Variants in CYB5R4 observed in about 807,000 individuals in gnomAD.
The protein encoded by CYB5R4 is cytochrome b5 reductase 4.
A neutral mutation model predicts 70.2 loss-of-function variants in CYB5R4; 55 were observed. The observed-to-expected ratio is 0.78, with a 90% CI of 0.63 to 0.98. The LOEUF is 0.98. Ranked by LOEUF, CYB5R4 falls within the 50% of genes least tolerant of loss-of-function variation. CYB5R4 has a pLI of 0.00. For missense variants in CYB5R4, 562 were observed against 612.6 expected, an observed-to-expected ratio of 0.92 and a Z score of 0.87; for synonymous variants, 197 against 199.5, an observed-to-expected ratio of 0.99 and a Z score of 0.11.
intron 14 of CYB5R4, among the ~76,000 whole-genome samples, chr6:83,949,533 A>G (rs1319113814): frequency 1.3e-5 from 2 of 152,150 alleles, no homozygotes; most frequent in African/African-American, 4.8e-5. Flanking sequence ...TGGTTAAATT[A>G]TTATTGAATT....
intron 2 of CYB5R4, among the ~76,000 whole-genome samples, chr6:83,885,768 A>G (rs1407823042): frequency 6.6e-6 from 1 of 152,130 alleles, no homozygotes; most frequent in Admixed American, 6.6e-5. Context: ...GTGACTAAAA[A>G]AGAGCTCTCT....
chr6:83,910,147 T>G (rs763380626), intron 4 of CYB5R4: 1 of 1,594,612 alleles, frequency 6.3e-7, no homozygotes, highest in Non-Finnish European at 8.5e-7. Flanking sequence ...CTTTCAAAGA[T>G]TTCTTTTACT....
intron 2 of CYB5R4, among the ~76,000 whole-genome samples, chr6:83,886,711 G>A (rs1362390827): frequency 6.6e-6 from 1 of 152,100 alleles, no homozygotes; most frequent in African/African-American, 2.4e-5. Flanking sequence ...CCTTTATGAG[G>A]ACTCATAATT....
At chr6:83,926,514 C>T (rs2099467302) in intron 10 of CYB5R4, among the ~76,000 whole-genome samples, 1 of 151,970 alleles carries the variant, frequency 6.6e-6, no homozygotes, top group South Asian at 2.1e-4. Flanking sequence ...GATGGTCTTC[C>T]TTCTGTGTGT....
intron 12 of CYB5R4, among the ~76,000 whole-genome samples, chr6:83,937,132 G>A (rs369792350): frequency 5.9e-5 from 9 of 152,156 alleles, no homozygotes; most frequent in African/African-American, 1.4e-4. Flanking sequence ...AAAATTAGCC[G>A]GGTATGATGG....
intron 14 of CYB5R4, among the ~76,000 whole-genome samples, chr6:83,945,890 A>G (rs1330371061): frequency 1.3e-5 from 2 of 152,200 alleles, no homozygotes; most frequent in Non-Finnish European, 2.9e-5. Flanking sequence ...TGAATCCTTG[A>G]ATAGACCCAG....
chr6:83,928,759 G>C (rs1024399345), intron 10 of CYB5R4, among the ~76,000 whole-genome samples: 8 of 152,126 alleles, frequency 5.3e-5, no homozygotes, highest in African/African-American at 1.9e-4. Flanking sequence ...TTTTTAGAGT[G>C]AAGTCTCTTT....
intron 14 of CYB5R4, among the ~76,000 whole-genome samples, chr6:83,951,003 C>T (rs1021796027): frequency 3.9e-5 from 6 of 152,106 alleles, no homozygotes; most frequent in Non-Finnish European, 7.4e-5. Flanking sequence ...TAGGGGAAGA[C>T]GTGTTACACC....
intron 1 of CYB5R4, among the ~76,000 whole-genome samples, chr6:83,862,287 A>C (rs549008731): frequency 4.6e-5 from 7 of 152,374 alleles, no homozygotes; most frequent in South Asian, 2.1e-4. Flanking sequence ...TTCTATTAAT[A>C]CTGGTAAACA....
chr6:83,951,559 T>G (rs1027985054), intron 14 of CYB5R4, among the ~76,000 whole-genome samples: 2 of 152,328 alleles, frequency 1.3e-5, no homozygotes, highest in East Asian at 3.9e-4. Flanking sequence ...TCTGTGTTAG[T>G]TTGCTGAGAA....
intron 4 of CYB5R4, among the ~76,000 whole-genome samples, chr6:83,911,306 G>C (rs944598350): frequency 6.6e-6 from 1 of 151,960 alleles, no homozygotes; most frequent in African/African-American, 2.4e-5. Flanking sequence ...GTTATGAAGA[G>C]TTCTGTTTAG....
rs537721652 is a variant in CYB5R4, at chr6:83,914,578, C to A, written c.445+130C>A. 2.3e-4 allele frequency: 184 copies of A among 799,814 alleles called. 4 individuals are homozygous for A. The South Asian group carries it at 3.8e-3, about 16-fold the overall frequency. 49.5% of individuals were successfully genotyped at this position (799,814 alleles called of 1,614,324 possible). A position where few individuals can be genotyped will look rare whatever the true frequency, so the allele number is the denominator to read the frequency against. ...TTTGAGATGGAGTATTGCTTTGTCACCCAGGCTGGAGTGCAGTGGCACCAT... is the reference window on the plus strand; with the variant it reads ...TTTGAGATGGAGTATTGCTTTGTCAACCAGGCTGGAGTGCAGTGGCACCAT... On this transcript the variant is annotated intron_variant, in intron 5 of 15. Coordinates refer to ENST00000369681, the MANE Select transcript of CYB5R4 (RefSeq NM_016230.4).
chr6:83,953,447 T>TG (rs962810765), intron 14 of CYB5R4, among the ~76,000 whole-genome samples: 2 of 151,712 alleles, frequency 1.3e-5, no homozygotes, highest in African/African-American at 4.8e-5. Context: ...TTACTACAGT[T>TG]GCAGGCATTT....
At position 83,931,070 on chromosome 6, in the gene CYB5R4, C is replaced by T. The variant is rs150427047; in HGVS notation, c.815-3525C>T. ...CTGCATATCAGCAATAAGCCTATTTCGCTTTCTTATCAGATCATTCATATG... is the reference window on the plus strand; with the variant it reads ...CTGCATATCAGCAATAAGCCTATTTTGCTTTCTTATCAGATCATTCATATG... On this transcript the variant is annotated intron_variant, in intron 10 of 15. Coordinates refer to ENST00000369681, the MANE Select transcript of CYB5R4 (RefSeq NM_016230.4). 6.6e-5 allele frequency among the ~76,000 whole-genome samples: 10 copies of T among 152,300 alleles called. No homozygotes were observed. The East Asian group carries it at 1.5e-3, about 24-fold the overall frequency.
At chr6:83,929,621 G>A (rs537852135) in intron 10 of CYB5R4, 2 of 151,876 alleles carry the variant, frequency 1.3e-5, no homozygotes, top group African/African-American at 2.4e-5. Context: ...GCTCTGGGGG[G>A]TGTGTGGGAG....
rs61756911 is a variant in CYB5R4, at chr6:83,939,606, G to T, written c.1109-450G>T. Among the ~76,000 whole-genome samples the T allele has an allele frequency of 9.4e-3, 1,434 of 152,192 alleles. 21 individuals are homozygous for T. The highest frequency in any genetic ancestry group is 0.033 in the African/African-American group (1,359 of 41,532). On this transcript the variant is annotated intron_variant, in intron 12 of 15. Coordinates refer to ENST00000369681, the MANE Select transcript of CYB5R4 (RefSeq NM_016230.4). ...CTCTCCTACTAATCCTGTTACTGTG[G>T]TTAATAATCAATGTGTAAATAGTGA... is the stretch of plus-strand genomic sequence containing the variant.
intron 6 of CYB5R4, among the ~76,000 whole-genome samples, chr6:83,918,440 AG>A (rs928187188): frequency 1.2e-4 from 18 of 152,092 alleles, no homozygotes; most frequent in African/African-American, 3.9e-4. Flanking sequence ...TATATTTTCC[AG>A]TTAGATTAAT....
intron 2 of CYB5R4, among the ~76,000 whole-genome samples, chr6:83,883,981 G>A (rs1412632989): frequency 1.3e-5 from 2 of 151,848 alleles, no homozygotes; most frequent in African/African-American, 4.8e-5. Flanking sequence ...AAAGCCAATC[G>A]ATTAAATGAA....
chr6:83,952,051 C>T (rs536702628), intron 14 of CYB5R4, among the ~76,000 whole-genome samples: 1 of 152,254 alleles, frequency 6.6e-6, no homozygotes, highest in East Asian at 1.9e-4. Flanking sequence ...GTGTCATTAA[C>T]AGTGATGTTG....
Sources: allele counts gnomAD v4.1 joint callset (sites outside exome capture counted in the v4.1 genomes callset), GRCh38; gene constraint gnomAD v4.1.1; transcripts MANE v1.5; gene names NCBI Gene and HGNC (gene_info 2026-07-23, HGNC 2026-07-21).